Variants in MMP17 observed in about 807,000 individuals in gnomAD.
MMP17 encodes the protein matrix metalloproteinase-17.
A neutral mutation model predicts 49.1 loss-of-function variants in MMP17; 54 were observed. That is an observed-to-expected ratio of 1.10 (90% CI 0.88 to 1.38). The LOEUF is 1.38. Among genes scored for constraint, MMP17 ranks in the 40% most tolerant of loss-of-function variants. MMP17 has a pLI of 0.00. For missense variants in MMP17, 837 were observed against 853.7 expected (o/e 0.98, Z 0.24); for synonymous variants, 397 against 383.1 (o/e 1.04, Z -0.42).
intron 1 of MMP17, among the ~76,000 whole-genome samples, chr12:131,834,871 C>G (rs1039802380): frequency 1.3e-5 from 2 of 152,172 alleles, no homozygotes; most frequent in Non-Finnish European, 2.9e-5. Context: ...AGCTGCCTGC[C>G]GCCTCTTCCC....
Position 131,849,884 on chromosome 12 carries a change from C to A in MMP17, c.1287C>A (p.Gly429=). Reference sequence around the variant, plus strand: ...TCTCCGACTTCAGCCTCCCGCCTGGCGGCATCGACGCTGCCTTCTCCTGGG... The same window carrying A: ...TCTCCGACTTCAGCCTCCCGCCTGGAGGCATCGACGCTGCCTTCTCCTGGG... ...RPVSDFSLPP[G]GIDAAFSWAH... The change falls in exon 9 of 10, where the codon GGC becomes GGA. Residue 429 remains glycine (G), a synonymous_variant. Coordinates refer to ENST00000360564, the MANE Select transcript of MMP17 (RefSeq NM_016155.7). 3.1e-6 allele frequency: 5 copies of A among 1,614,052 alleles called. No individual in the cohort carries two copies. The highest frequency in any genetic ancestry group is 4.2e-6 in the Non-Finnish European group (5 of 1,180,020).
rs149877702 is a variant in MMP17, at chr12:131,849,970, C to T, written c.1373C>T (p.Thr458Met). Residue 458 changes from threonine (T) to methionine (M), a missense_variant, in exon 9 of 10, where the codon ACG (threonine) becomes ATG (methionine). Transcript: ENST00000360564. ...DQLYWRYDDH[T>M]RHMDPGYPAQ... ...CTGTACTGGCGCTACGATGACCACA[C>T]GAGGCACATGGACCCCGGCTACCCC... is the stretch of plus-strand genomic sequence containing the variant. The T allele has an allele frequency of 5.0e-6, 8 of 1,613,822 alleles. No individual in the cohort carries two copies. Among genetic ancestry groups the T allele is most frequent in the African/African-American group, 1.3e-5 (1 of 74,916 alleles).
chr12:131,831,525 T>G (rs1886794161), intron 1 of MMP17, among the ~76,000 whole-genome samples: 1 of 151,916 alleles, frequency 6.6e-6, no homozygotes, highest in South Asian at 2.1e-4. Flanking sequence ...ACCCTGCAGC[T>G]GCTCCCAGAG....
intron 1 of MMP17, among the ~76,000 whole-genome samples, chr12:131,829,500 G>T (rs1374541619): frequency 6.6e-6 from 1 of 152,148 alleles, no homozygotes; most frequent in Non-Finnish European, 1.5e-5. Flanking sequence ...TGGGTTCGTT[G>T]GTTCCTTCTG....
At chr12:131,839,317 CTTTTTTTT>C (rs112712084) in intron 3 of MMP17, among the ~76,000 whole-genome samples, 1 of 145,438 alleles carries the variant, frequency 6.9e-6, no homozygotes, top group Admixed American at 6.9e-5. Flanking sequence ...GACCCTATTT[CTTTTTTTT>C]TTTTTGAGAC....
chr12:131,836,849 C>T lies in MMP17; in HGVS notation c.160-1346C>T, dbSNP rs76050283. Reference sequence around the variant, plus strand: ...GCAAGTGGGCACAGGCGCCATTTGGCGGTTGAAGAAACTGAAGCTAGGGGT... The same window carrying T: ...GCAAGTGGGCACAGGCGCCATTTGGTGGTTGAAGAAACTGAAGCTAGGGGT... On this transcript the variant is annotated intron_variant, in intron 1 of 9. Coordinates refer to ENST00000360564, the MANE Select transcript of MMP17 (RefSeq NM_016155.7). 2.8e-3 allele frequency among the ~76,000 whole-genome samples: 429 copies of T among 152,242 alleles called. 3 individuals are homozygous for T. Among genetic ancestry groups the T allele is most frequent in the Non-Finnish European group, 1.5e-3 (105 of 68,018 alleles).
intron 1 of MMP17, among the ~76,000 whole-genome samples, chr12:131,830,592 G>A (rs1290462972): frequency 6.6e-6 from 1 of 152,238 alleles, no homozygotes; most frequent in African/African-American, 2.4e-5. Context: ...CGAGGAGGCC[G>A]GGATCTGGGC....
At chr12:131,837,167 C>G (rs1353558053) in intron 1 of MMP17, among the ~76,000 whole-genome samples, 1 of 152,232 alleles carries the variant, frequency 6.6e-6, no homozygotes, top group East Asian at 1.9e-4. Flanking sequence ...CACGTCCTGG[C>G]TCACGTCCTC....
At chr12:131,836,490 T>TTA (rs2136315888) in intron 1 of MMP17, among the ~76,000 whole-genome samples, 1 of 147,028 alleles carries the variant, frequency 6.8e-6, no homozygotes, top group African/African-American at 2.4e-5. Context: ...TTTTTTTTTT[T>TTA]AGGATTTCTT....
rs141447529 is a variant in MMP17, at chr12:131,850,674, A to G, written c.1463-251A>G. 5.1e-3 allele frequency among the ~76,000 whole-genome samples: 783 copies of G among 152,228 alleles called. 4 individuals are homozygous for G. Among genetic ancestry groups the G allele is most frequent in the African/African-American group, 0.018 (743 of 41,544 alleles). On this transcript the variant is annotated intron_variant, in intron 9 of 9. Transcript: ENST00000360564. Reference sequence around the variant, plus strand: ...TGTGACCATGCCTGCAGAGCTGCCCACAGCTGAGCAGATGCTGACCCCATC... The same window carrying G: ...TGTGACCATGCCTGCAGAGCTGCCCGCAGCTGAGCAGATGCTGACCCCATC...
chr12:131,828,992 C>G (rs959282936), intron 1 of MMP17, among the ~76,000 whole-genome samples: 1 of 152,120 alleles, frequency 6.6e-6, no homozygotes, highest in African/African-American at 2.4e-5. Flanking sequence ...CCGGGCTGGG[C>G]GAGAGCAGGC....
intron 8 of MMP17, 110 bp from the exon 9 acceptor site, chr12:131,849,692 G>A: frequency 1.5e-6 from 2 of 1,299,590 alleles, no homozygotes; most frequent in Admixed American, 4.6e-5. Flanking sequence ...ATCAAGCCCA[G>A]GTGAGGGGCC....
At chr12:131,839,248 A>G (rs1416921598) in intron 3 of MMP17, among the ~76,000 whole-genome samples, 3 of 151,636 alleles carry the variant, frequency 2.0e-5, no homozygotes, top group African/African-American at 7.3e-5. Flanking sequence ...TGCTCCTCGG[A>G]TTTAGGGCCC....
In MMP17 at chr12:131,851,035, G is replaced by A; in HGVS notation, c.1573G>A (p.Asp525Asn). ...STARDWLVCG[D>N]SQADGSVAAG... The stretch of plus-strand genomic sequence containing the variant: ...GGCCCGGGACTGGCTGGTGTGTGGA[G>A]ACTCACAGGCCGATGGATCTGTGGC... The change falls in exon 10 of 10, where the codon GAC becomes AAC. Residue 525 changes from aspartate to asparagine, a missense_variant. Asp to Asn is a conservative substitution (Grantham distance 23). Coordinates refer to ENST00000360564, the MANE Select transcript of MMP17 (RefSeq NM_016155.7). 1 of 1,609,274 alleles carries A rather than the reference G, an allele frequency of 6.2e-7. No individual in the cohort carries two copies. The highest frequency in any genetic ancestry group is 8.5e-7 in the Non-Finnish European group (1 of 1,178,284).
intron 1 of MMP17, among the ~76,000 whole-genome samples, chr12:131,837,647 G>A (rs1887147350): frequency 6.6e-6 from 1 of 152,232 alleles, no homozygotes; most frequent in Non-Finnish European, 1.5e-5. Flanking sequence ...GGGCAGGGTT[G>A]CCATGAGTGG....
intron 1 of MMP17, among the ~76,000 whole-genome samples, chr12:131,830,468 G>C (rs1397267062): frequency 6.6e-6 from 1 of 152,244 alleles, no homozygotes; most frequent in Non-Finnish European, 1.5e-5. Context: ...TGGAGCCTCC[G>C]TCCTGCCGCG....
intron 8 of MMP17, among the ~76,000 whole-genome samples, chr12:131,848,719 C>G (rs1194397758): frequency 6.6e-6 from 1 of 152,192 alleles, no homozygotes; most frequent in Non-Finnish European, 1.5e-5. Context: ...GCGGAAGGTC[C>G]TCGGGGCTCA....
chr12:131,848,792 C>T (rs868374427), intron 8 of MMP17, among the ~76,000 whole-genome samples: 3 of 152,198 alleles, frequency 2.0e-5, no homozygotes, highest in Non-Finnish European at 2.9e-5. Context: ...TTCCATGGCA[C>T]GGACGGACTG....
In MMP17 at chr12:131,844,013, G is replaced by T; in HGVS notation, c.900G>T (p.Val300=). The T allele has an allele frequency of 6.4e-7, 1 of 1,564,866 alleles. No homozygotes were observed. The stretch of plus-strand genomic sequence containing the variant: ...CTCCCGCAGGTGTGCGGGAGTCTGT[G>T]TCTCCCACGGCGCAGCCCGAGGAGC... ...VWQLYGVRES[V]SPTAQPEEPP... The change falls in exon 6 of 10, where the codon GTG becomes GTT. Residue 300 remains valine, a synonymous_variant. Coordinates refer to ENST00000360564, the MANE Select transcript of MMP17 (RefSeq NM_016155.7).
Sources: gnomAD v4.1 joint callset for allele counts (sites outside exome capture counted in the v4.1 genomes callset) on GRCh38, gnomAD v4.1.1 for gene constraint, MANE v1.5 for transcripts, NCBI Gene and HGNC (gene_info 2026-07-23, HGNC 2026-07-21) for gene names.